Variants in RFPL1 observed in about 807,000 individuals in gnomAD.
RFPL1 encodes ret finger protein-like 1.
Under a neutral mutation model 9.6 loss-of-function variants are expected in RFPL1, and 6 were observed. That is an observed-to-expected ratio of 0.62 (90% CI 0.34 to 1.23). The LOEUF is 1.23. Among genes scored for constraint, RFPL1 ranks in the 50% most tolerant of loss-of-function variants. RFPL1 has a pLI of 0.03. For synonymous variants in RFPL1, 145 were observed against 149.4 expected (o/e 0.97, Z 0.22); for missense variants, 352 against 398.4 (o/e 0.88, Z 0.99).
the RFPL1 span, among the ~76,000 whole-genome samples, chr22:29,425,683 A>G: frequency 6.6e-6 from 1 of 152,136 alleles, no homozygotes; most frequent in Non-Finnish European, 1.5e-5. Flanking sequence ...AATTATTGAT[A>G]TGGCTGGGTG....
chr22:29,393,132 C>T, the RFPL1 span, among the ~76,000 whole-genome samples: 1 of 152,184 alleles, frequency 6.6e-6, no homozygotes, highest in Non-Finnish European at 1.5e-5. Context: ...GGAAGTCTTC[C>T]TGGAGGAAGT....
the RFPL1 span, among the ~76,000 whole-genome samples, chr22:29,417,318 C>T: frequency 3.3e-5 from 5 of 152,076 alleles, no homozygotes; most frequent in Admixed American, 2.0e-4. Context: ...GGAAGGAGGC[C>T]CAGTTGTCCA....
At chr22:29,432,607 G>T in the RFPL1 span, among the ~76,000 whole-genome samples, 1 of 152,156 alleles carries the variant, frequency 6.6e-6, no homozygotes, top group Admixed American at 6.5e-5. Flanking sequence ...TAACTCGCTT[G>T]GTTACAACAA....
At chr22:29,438,436 G>C (rs1009073520), upstream of RFPL1, 1 of 309,122 alleles carries the variant, frequency 3.2e-6, no homozygotes, top group Non-Finnish European at 5.6e-6. Flanking sequence ...ACTCACGTCA[G>C]CCTCCCAAAG....
At chr22:29,395,685 G>A in the RFPL1 span, among the ~76,000 whole-genome samples, 1 of 152,134 alleles carries the variant, frequency 6.6e-6, no homozygotes, top group Non-Finnish European at 1.5e-5. Context: ...AAAAGCCCAG[G>A]CTCTCAGATG....
rs780332307 is a variant in RFPL1 at position 29,441,970 on chromosome 22, TA to T, written c.803del (p.Tyr268LeufsTer29). The T allele has an allele frequency of 6.2e-6, 10 of 1,614,136 alleles. No homozygotes were observed. Among genetic ancestry groups the T allele is most frequent in the Non-Finnish European group, 7.6e-6 (9 of 1,180,014 alleles). On this transcript the variant is annotated frameshift_variant, in exon 2 of 2. Transcript: ENST00000354373. LOFTEE classifies it low-confidence loss of function (END_TRUNC). Reference sequence around the variant, plus strand: ...TGATGCTGAAGGTGGTTCCCATGTCTATACATTCAGGAGTGTCTCTGCTGAG... The same window carrying T: ...TGATGCTGAAGGTGGTTCCCATGTCTTACATTCAGGAGTGTCTCTGCTGAG...
At chr22:29,441,745 G>C in exon 2 of RFPL1, 1 of 1,613,968 alleles carries the variant, frequency 6.2e-7, no homozygotes. Flanking sequence ...CACAGAATGG[G>C]ACCTGGGAGT....
At chr22:29,401,912 C>T in the RFPL1 span, among the ~76,000 whole-genome samples, 1 of 152,216 alleles carries the variant, frequency 6.6e-6, no homozygotes, top group Non-Finnish European at 1.5e-5. Flanking sequence ...ATTGAATCCT[C>T]TAAGCCTTTG....
the RFPL1 span, among the ~76,000 whole-genome samples, chr22:29,388,175 T>C: frequency 6.6e-6 from 1 of 152,176 alleles, no homozygotes; most frequent in South Asian, 2.1e-4. Context: ...CTAAGTCCTG[T>C]CTCTCCGGGC....
chr22:29,397,032 C>T, the RFPL1 span, among the ~76,000 whole-genome samples: 4 of 151,454 alleles, frequency 2.6e-5, no homozygotes, highest in Admixed American at 1.3e-4. Context: ...TCAGTCCTCC[C>T]GAATGGCTGG....
chr22:29,390,162 T>C, the RFPL1 span, among the ~76,000 whole-genome samples: 1 of 152,214 alleles, frequency 6.6e-6, no homozygotes, highest in African/African-American at 2.4e-5. Flanking sequence ...TACTTGGCAC[T>C]TTCCAGTATC....
chr22:29,404,758 G>A, the RFPL1 span, among the ~76,000 whole-genome samples: 4,736 of 152,278 alleles, frequency 0.031, 117 homozygotes, highest in South Asian at 0.097. Flanking sequence ...ACAGGGTCTT[G>A]CTTTGTCACC....
At chr22:29,393,063 T>A in the RFPL1 span, among the ~76,000 whole-genome samples, 1 of 152,078 alleles carries the variant, frequency 6.6e-6, no homozygotes, top group Non-Finnish European at 1.5e-5. Flanking sequence ...CTCAGAGTGG[T>A]AGGAAGTACC....
upstream of RFPL1, among the ~76,000 whole-genome samples, chr22:29,435,334 G>C (rs542982809): frequency 6.6e-6 from 1 of 151,804 alleles, no homozygotes; most frequent in Non-Finnish European, 1.5e-5. Flanking sequence ...AATCTATCTT[G>C]TTGTCTGTTC....
the RFPL1 span, among the ~76,000 whole-genome samples, chr22:29,390,813 T>C: frequency 3.3e-5 from 5 of 150,906 alleles, no homozygotes; most frequent in Non-Finnish European, 5.9e-5. Context: ...TTAGCCAGGA[T>C]GGTCTGGCTC....
chr22:29,393,005 G>T, the RFPL1 span, among the ~76,000 whole-genome samples: 1 of 152,218 alleles, frequency 6.6e-6, no homozygotes, highest in Non-Finnish European at 1.5e-5. Context: ...CCCCCTTGGG[G>T]GCTCACTGTT....
chr22:29,394,589 G>A, the RFPL1 span, among the ~76,000 whole-genome samples: 2 of 152,290 alleles, frequency 1.3e-5, no homozygotes, highest in Middle Eastern at 3.4e-3. Context: ...TGATCTGCCC[G>A]CCTTGGCCTC....
At chr22:29,407,080 TG>T in the RFPL1 span, among the ~76,000 whole-genome samples, 3 of 94 alleles carry the variant, frequency 0.032, no homozygotes, top group Non-Finnish European at 0.045. Context: ...GTTGTTCTTT[TG>T]TGTGTGTGTG....
the RFPL1 span, among the ~76,000 whole-genome samples, chr22:29,389,350 T>G: frequency 6.6e-6 from 1 of 151,798 alleles, no homozygotes; most frequent in Non-Finnish European, 1.5e-5. Flanking sequence ...ATTGCAGCAC[T>G]GCACTCCAGC....
Sources: allele counts gnomAD v4.1 joint callset (sites outside exome capture counted in the v4.1 genomes callset), GRCh38; gene constraint gnomAD v4.1.1; transcripts MANE v1.5; gene names NCBI Gene and HGNC (gene_info 2026-07-23, HGNC 2026-07-21).